Variants in MED12L observed in about 807,000 individuals in gnomAD.
MED12L encodes mediator complex subunit 12L.
In MED12L, 60 loss-of-function variants were observed where a neutral mutation model predicts 281.3. That is an observed-to-expected ratio of 0.21 (90% confidence interval 0.17 to 0.26). MED12L has a LOEUF of 0.26. Ranked by LOEUF, MED12L falls within the 10% of genes least tolerant of loss-of-function variation. The pLI is 1.00. For missense variants in MED12L, 2,146 were observed against 2,680.9 expected (o/e 0.80, Z 4.41); for synonymous variants, 974 against 987.2 (o/e 0.99, Z 0.25).
At chr3:151,292,036 C>A (rs993298032) in intron 16 of MED12L, among the ~76,000 whole-genome samples, 3 of 152,116 alleles carry the variant, frequency 2.0e-5, no homozygotes, top group African/African-American at 7.2e-5. Flanking sequence ...GTTTTAAAGA[C>A]CTCTTAGAAT....
rs1353598122 is a variant in MED12L at position 151,354,206 on chromosome 3, ACTTTTC to A, written c.2399-909_2399-904del. Among the ~76,000 whole-genome samples, 8 of 151,344 alleles carry A rather than the reference ACTTTTC, an allele frequency of 5.3e-5. No individual in the cohort carries two copies. The East Asian group carries it at 1.6e-3, about 29-fold the overall frequency. On this transcript the variant is annotated intron_variant, in intron 17 of 44. Transcript: ENST00000687756. ...AATGACATTATCAATCATATATCCA[ACTTTTC>A]CTTTTTGTTTTTAGATTTGTCTTTG...
In MED12L at chr3:151,285,143, C is replaced by T. The variant is rs146537379; in HGVS notation, c.2251-64916C>T. Among the ~76,000 whole-genome samples the T allele has an allele frequency of 6.6e-5, 10 of 152,262 alleles. No individual in the cohort carries two copies. In the East Asian group the frequency reaches 1.9e-3, roughly 29 times the overall value. On this transcript the variant is annotated intron_variant, in intron 16 of 44. Coordinates refer to ENST00000687756, the MANE Select transcript of MED12L (RefSeq NM_001393769.1). ...GAATGGAAAACCAAGCATATGTTCT[C>T]ACTTATAAGTGGGAGCTTAGCTATG...
At chr3:151,114,078 C>CAG (rs1263484359) in intron 2 of MED12L, among the ~76,000 whole-genome samples, 3 of 152,324 alleles carry the variant, frequency 2.0e-5, no homozygotes, top group African/African-American at 7.2e-5. Context: ...TTCTTAGACT[C>CAG]AGAGACTACT....
At chr3:151,183,555 T>A (rs1182904673) in intron 11 of MED12L, among the ~76,000 whole-genome samples, 1 of 152,230 alleles carries the variant, frequency 6.6e-6, no homozygotes, top group Non-Finnish European at 1.5e-5. Context: ...GCACACTAGC[T>A]GTTGTTTTGG....
At chr3:151,266,228 C>T (rs1259030745) in intron 16 of MED12L, among the ~76,000 whole-genome samples, 2 of 152,146 alleles carry the variant, frequency 1.3e-5, no homozygotes, top group East Asian at 3.8e-4. Flanking sequence ...AGTAGATGTC[C>T]CTTCATGACC....
chr3:151,263,074 T>C (rs1739198272), intron 16 of MED12L, among the ~76,000 whole-genome samples: 1 of 152,106 alleles, frequency 6.6e-6, no homozygotes, highest in Non-Finnish European at 1.5e-5. Context: ...AAGAGACCCA[T>C]GTAGGAGTAC....
intron 38 of MED12L, 118 bp downstream of exon 38, chr3:151,390,253 C>T: frequency 1.1e-6 from 1 of 925,216 alleles, no homozygotes; most frequent in South Asian, 1.6e-5. Flanking sequence ...GCTCAGTTGA[C>T]ATTTCTGTAA....
At chr3:151,404,204 C>A (rs999503050) in intron 39 of MED12L, among the ~76,000 whole-genome samples, 2 of 152,112 alleles carry the variant, frequency 1.3e-5, no homozygotes, top group African/African-American at 2.4e-5. Context: ...TTTTTGCTAT[C>A]CATTTTACCA....
chr3:151,245,497 A>G (rs1411643689), intron 16 of MED12L, among the ~76,000 whole-genome samples: 6 of 139,982 alleles, frequency 4.3e-5, no homozygotes, highest in Non-Finnish European at 7.7e-5. Context: ...TCCAGCATAT[A>G]AACAGAGCCA....
chr3:151,278,846 A>G (rs776736046), intron 16 of MED12L, among the ~76,000 whole-genome samples: 35 of 152,322 alleles, frequency 2.3e-4, no homozygotes, highest in Admixed American at 9.8e-4. Flanking sequence ...TTTGACACCA[A>G]TGTCGACATA....
intron 41 of MED12L, among the ~76,000 whole-genome samples, chr3:151,412,449 C>T (rs1717039603): frequency 6.6e-6 from 1 of 152,182 alleles, no homozygotes; most frequent in African/African-American, 2.4e-5. Flanking sequence ...ACTGTCTTAG[C>T]AGCATCATGT....
chr3:151,099,458 A>G lies in MED12L; in HGVS notation c.99+12433A>G, dbSNP rs1721134143. On this transcript the variant is annotated intron_variant, in intron 2 of 44. Transcript: ENST00000687756. The stretch of plus-strand genomic sequence containing the variant: ...TTTCATGTTAAACTGTGTTTTTTTA[A>G]TGGAAAATAACTTTTTCCCCAAACA... Among the ~76,000 whole-genome samples the G allele has an allele frequency of 2.0e-5, 3 of 152,234 alleles. No homozygotes were observed. The South Asian group carries it at 6.2e-4, about 31-fold the overall frequency.
chr3:151,129,678 A>G (rs986879574), intron 5 of MED12L, among the ~76,000 whole-genome samples: 7 of 151,782 alleles, frequency 4.6e-5, no homozygotes, highest in Non-Finnish European at 8.8e-5. Context: ...AGCAAAGTTC[A>G]GCCTTCACAC....
At chr3:151,251,897 A>G (rs1159186536) in intron 16 of MED12L, among the ~76,000 whole-genome samples, 2 of 152,192 alleles carry the variant, frequency 1.3e-5, no homozygotes, top group South Asian at 4.1e-4. Context: ...ATGTACATGG[A>G]ATCACCTTAA....
At chr3:151,230,960 T>C (rs1037891893) in intron 16 of MED12L, among the ~76,000 whole-genome samples, 1 of 152,154 alleles carries the variant, frequency 6.6e-6, no homozygotes, top group African/African-American at 2.4e-5. Flanking sequence ...AGTTGTGACA[T>C]CTTTTGATCA....
At chr3:151,378,313 G>A in intron 31 of MED12L, 140 bp downstream of exon 31, 4 of 872,612 alleles carry the variant, frequency 4.6e-6, no homozygotes, top group Non-Finnish European at 4.9e-6. Flanking sequence ...ATTCTATTAG[G>A]CAAGGCTGTC....
intron 20 of MED12L, 99 bp from the exon 21 acceptor site, chr3:151,360,375 T>A (rs1433892604): frequency 1.8e-5 from 20 of 1,102,030 alleles, no homozygotes; most frequent in Non-Finnish European, 2.1e-5. Context: ...ATATCCTTTT[T>A]CTTACCCAAG....
chr3:151,304,703 G>T (rs1171694524), intron 16 of MED12L, among the ~76,000 whole-genome samples: 2 of 152,044 alleles, frequency 1.3e-5, no homozygotes, highest in Non-Finnish European at 1.5e-5. Context: ...TACAGCCCCA[G>T]CTCTGTTGGT....
intron 11 of MED12L, among the ~76,000 whole-genome samples, chr3:151,182,063 A>G (rs1442187075): frequency 6.6e-6 from 1 of 152,186 alleles, no homozygotes; most frequent in African/African-American, 2.4e-5. Context: ...TGAGATGACA[A>G]GACACCTAAA....
Sources: allele counts gnomAD v4.1 joint callset (sites outside exome capture counted in the v4.1 genomes callset), GRCh38; gene constraint gnomAD v4.1.1; transcripts MANE v1.5; gene names NCBI Gene and HGNC (gene_info 2026-07-23, HGNC 2026-07-21).